MYO7B: variants seen among roughly 807,000 people sequenced by gnomAD.
The protein encoded by MYO7B is myosin VIIB.
A neutral mutation model predicts 259.7 loss-of-function variants in MYO7B; 212 were observed. That is an observed-to-expected ratio of 0.82 (90% CI 0.73 to 0.91). The LOEUF (loss-of-function observed/expected upper bound fraction) is 0.91, where lower values mean the gene tolerates loss of function less well. Among genes scored for constraint, MYO7B ranks in the 40% least tolerant of loss-of-function variants. The pLI is 0.00. For synonymous variants in MYO7B, 1,197 were observed against 1,166.4 expected (o/e 1.03, Z -0.54); for missense variants, 2,732 against 2,813.5 (o/e 0.97, Z 0.66).
rs1478929196 is a variant in MYO7B, at chr2:127,628,033, G to A, written c.4461-339G>A. 3.9e-6 allele frequency: 2 copies of A among 518,642 alleles called. No homozygotes were observed. Among genetic ancestry groups the A allele is most frequent in the East Asian group, 1.1e-4 (2 of 19,010 alleles). 32.1% of individuals were successfully genotyped at this position (518,642 alleles called of 1,614,324 possible). A position where few individuals can be genotyped will look rare whatever the true frequency, so the allele number is the denominator to read the frequency against. On this transcript the variant is annotated intron_variant, in intron 33 of 47. Coordinates refer to ENST00000409816, the MANE Select transcript of MYO7B (RefSeq NM_001393586.1). The surrounding 1 kb of genome is among the most constrained non-coding windows in gnomAD (Gnocchi z 4.8). Reference sequence around the variant, plus strand: ...GTAAACTGAAGCACGCCGAGGTTAGGTGGCTCAGAGTAAGCACATGGCAGA... The same window carrying A: ...GTAAACTGAAGCACGCCGAGGTTAGATGGCTCAGAGTAAGCACATGGCAGA...
At chr2:127,635,607 C>T (rs1681755425) in intron 43 of MYO7B, 115 bp from the exon 44 acceptor site, 2 of 1,155,894 alleles carry the variant, frequency 1.7e-6, no homozygotes, top group Non-Finnish European at 1.2e-6. Flanking sequence ...CCTGCTCAGT[C>T]CGTCCTGGAT....
intron 34 of MYO7B, 25 bp from the exon 35 acceptor site, chr2:127,629,620 G>A (rs973775610): frequency 1.9e-6 from 3 of 1,603,972 alleles, no homozygotes; most frequent in Admixed American, 3.4e-5. Flanking sequence ...AGAGCCCTCA[G>A]CAAATAGCCT....
At chr2:127,563,919 C>T (rs889884848) in intron 2 of MYO7B, among the ~76,000 whole-genome samples, 1 of 152,182 alleles carries the variant, frequency 6.6e-6, no homozygotes, top group Non-Finnish European at 1.5e-5. Flanking sequence ...TTCTTGTCAG[C>T]TTATTGTCCC....
intron 16 of MYO7B, among the ~76,000 whole-genome samples, chr2:127,591,297 T>C (rs1679546867): frequency 6.6e-6 from 1 of 152,206 alleles, no homozygotes; most frequent in Non-Finnish European, 1.5e-5. Flanking sequence ...CTGGGAGAAG[T>C]AGCTGGGCTC....
chr2:127,599,665 C>A (rs1396705074), intron 19 of MYO7B, among the ~76,000 whole-genome samples: 1 of 152,126 alleles, frequency 6.6e-6, no homozygotes, highest in Non-Finnish European at 1.5e-5. Flanking sequence ...TTCATTGATG[C>A]CCTTTCTCAA....
At chr2:127,631,829 A>C in intron 38 of MYO7B, 76 bp downstream of exon 38, 19 of 1,544,476 alleles carry the variant, frequency 1.2e-5, no homozygotes, top group South Asian at 4.9e-5. Context: ...ACCGAGGCTC[A>C]GAGAGGACAC....
chr2:127,625,249 G>A, intron 30 of MYO7B, 119 bp from the exon 31 acceptor site: 1 of 1,217,054 alleles, frequency 8.2e-7, no homozygotes, highest in Non-Finnish European at 1.1e-6. Context: ...TCCTGCCCGA[G>A]CCACAGGTTA....
chr2:127,635,132 C>T lies in MYO7B; in HGVS notation c.5726C>T (p.Thr1909Met), dbSNP rs372610752. Residue 1909 changes from threonine to methionine, a missense_variant, in exon 43 of 48, where the codon ACG (threonine) becomes ATG (methionine). Around this residue, in one of 3 missense-constraint regions of MYO7B, gnomAD observed 821 missense variants for 769.3 expected, o/e 1.07. Coordinates refer to ENST00000409816, the MANE Select transcript of MYO7B (RefSeq NM_001393586.1). ...NKPQKEGAPV[T>M]LPYQVYFMRK... ...GGCCCTCGCCCAGGGGCCCCCGTGACGCTCCCCTACCAGGTGTACTTCATG... is the reference window on the plus strand; with the variant it reads ...GGCCCTCGCCCAGGGGCCCCCGTGATGCTCCCCTACCAGGTGTACTTCATG... 1.6e-5 allele frequency: 26 copies of T among 1,612,474 alleles called. No individual in the cohort carries two copies. Among genetic ancestry groups the T allele is most frequent in the African/African-American group, 2.7e-5 (2 of 74,890 alleles).
At chr2:127,550,192 G>A (rs952727637) in intron 1 of MYO7B, among the ~76,000 whole-genome samples, 3 of 152,100 alleles carry the variant, frequency 2.0e-5, no homozygotes, top group Non-Finnish European at 4.4e-5. Flanking sequence ...TAGGGGAGAT[G>A]TTCCCCATAA....
At position 127,580,821 on chromosome 2, in the gene MYO7B, AG is replaced by A; in HGVS notation, c.1080+1del. Reference sequence around the variant, plus strand: ...TTTCCCACCGTGATGAAGTTACTGGAGGTAGGGGTGCTGTGCCCACAGCTTC... The same window carrying A: ...TTTCCCACCGTGATGAAGTTACTGGAGTAGGGGTGCTGTGCCCACAGCTTC... ...PAFPTVMKLL[E>X]VQHQELRDCL... On this transcript the variant is annotated frameshift_variant and splice_region_variant, in exon 10 of 48. Coordinates refer to ENST00000409816, the MANE Select transcript of MYO7B (RefSeq NM_001393586.1). LOFTEE classifies it high-confidence loss of function. The A allele has an allele frequency of 6.2e-7, 1 of 1,612,502 alleles. No homozygotes were observed. The highest frequency in any genetic ancestry group is 2.2e-5 in the East Asian group (1 of 44,820).
Position 127,546,035 on chromosome 2 carries a change from T to G in MYO7B, c.-24+10204T>G, listed in dbSNP as rs566805466. On this transcript the variant is annotated intron_variant, in intron 1 of 47. Coordinates refer to ENST00000409816, the MANE Select transcript of MYO7B (RefSeq NM_001393586.1). This position sits in a 1 kb window ranked among gnomAD's most constrained non-coding sequence, Gnocchi z 4.2. ...TGTTCTTCTTGAGTGATGGCTTCCATGCCAGGTACTCTCAGCTCTGGGGAG... is the reference window on the plus strand; with the variant it reads ...TGTTCTTCTTGAGTGATGGCTTCCAGGCCAGGTACTCTCAGCTCTGGGGAG... Among the ~76,000 whole-genome samples the G allele has an allele frequency of 3.9e-5, 6 of 152,350 alleles. No individual in the cohort carries two copies. Among genetic ancestry groups the G allele is most frequent in the South Asian group, 2.1e-4 (1 of 4,826 alleles).
intron 43 of MYO7B, 129 bp downstream of exon 43, chr2:127,635,355 C>A: frequency 1.2e-6 from 1 of 867,282 alleles, no homozygotes; most frequent in Non-Finnish European, 1.8e-6. Flanking sequence ...ATGTGGTAGG[C>A]AGACCAAGCC....
At chr2:127,540,397 C>A (rs1046131677) in intron 1 of MYO7B, among the ~76,000 whole-genome samples, 1 of 152,196 alleles carries the variant, frequency 6.6e-6, no homozygotes, top group Non-Finnish European at 1.5e-5. Context: ...CTCCTGACCT[C>A]AGGTGATCCA....
In MYO7B at chr2:127,584,955, C is replaced by G. The variant is rs753668172; in HGVS notation, c.1690+42C>G. ...TCTCATGTCCCTTCCAAATCTGGAC[C>G]GGGTTCCAGGGAGACCGTGGAAAGC... On this transcript the variant is annotated intron_variant, in intron 14 of 47. Coordinates refer to ENST00000409816, the MANE Select transcript of MYO7B (RefSeq NM_001393586.1). This position sits in a 1 kb window ranked among gnomAD's most constrained non-coding sequence, Gnocchi z 5.8. 1.2e-6 allele frequency: 2 copies of G among 1,609,366 alleles called. No individual in the cohort carries two copies. The highest frequency in any genetic ancestry group is 1.7e-5 in the Admixed American group (1 of 59,722).
Position 127,607,865 on chromosome 2 carries a change from T to C in MYO7B, c.2643+441T>C, listed in dbSNP as rs562063483. Among the ~76,000 whole-genome samples, 63 of 152,248 alleles carry C rather than the reference T, an allele frequency of 4.1e-4. 1 individual carries two copies. Among genetic ancestry groups the C allele is most frequent in the African/African-American group, 1.4e-3 (59 of 41,544 alleles). On this transcript the variant is annotated intron_variant, in intron 21 of 47. Transcript: ENST00000409816. This position sits in a 1 kb window ranked among gnomAD's most constrained non-coding sequence, Gnocchi z 4.4. ...GAGATGATTTCTGGGGCAGGGATGG[T>C]TGGTCCCCTGGAAGGTGCAGCAAAG... is the stretch of plus-strand genomic sequence containing the variant.
intron 38 of MYO7B, 55 bp downstream of exon 38, chr2:127,631,808 CCT>C (rs1681528434): frequency 1.1e-5 from 18 of 1,582,836 alleles, no homozygotes; most frequent in South Asian, 6.9e-5. Flanking sequence ...CATCCCGGCC[CCT>C]GAGGCCAGAC....
intron 1 of MYO7B, among the ~76,000 whole-genome samples, chr2:127,550,739 G>A (rs1477485067): frequency 1.3e-5 from 2 of 152,002 alleles, no homozygotes. Context: ...AAAACCCAAG[G>A]AGGAGGAGGG....
At chr2:127,570,015 C>T (rs1678528335) in intron 6 of MYO7B, 105 bp downstream of exon 6, 1 of 1,342,882 alleles carries the variant, frequency 7.4e-7, no homozygotes, top group Non-Finnish European at 1.0e-6. Flanking sequence ...CCTTCAGCAA[C>T]TCCTCCAGAC....
At chr2:127,583,722 C>T (rs190708121) in intron 12 of MYO7B, among the ~76,000 whole-genome samples, 22 of 152,310 alleles carry the variant, frequency 1.4e-4, no homozygotes, top group Admixed American at 1.4e-3. Context: ...GCAGTCAATG[C>T]TGGGTCTCTG....
Sources: allele counts gnomAD v4.1 joint callset (sites outside exome capture counted in the v4.1 genomes callset), GRCh38; gene constraint gnomAD v4.1.1; regional missense constraint gnomAD v4.1.1; non-coding constraint Gnocchi (gnomAD v3.1); transcripts MANE v1.5; gene names NCBI Gene and HGNC (gene_info 2026-07-23, HGNC 2026-07-21).